Variants in RGS12 observed in about 807,000 individuals in gnomAD.
RGS12 encodes regulator of G protein signaling 12.
RGS12 carries 66 observed loss-of-function variants against 120.1 expected under a neutral mutation model. That is an observed-to-expected ratio of 0.55 (90% CI 0.45 to 0.67). The LOEUF (loss-of-function observed/expected upper bound fraction) is 0.67. Among genes scored for constraint, RGS12 ranks in the 30% least tolerant of loss-of-function variants. RGS12 has a pLI of 0.00. For synonymous variants in RGS12, 827 were observed against 804.7 expected (o/e 1.03, Z -0.47); for missense variants, 1,859 against 1,957.7 (o/e 0.95, Z 0.95).
chr4:3,409,149 G>A (rs1378901802), intron 4 of RGS12, among the ~76,000 whole-genome samples: 1 of 152,150 alleles, frequency 6.6e-6, no homozygotes, highest in African/African-American at 2.4e-5. Flanking sequence ...TCTCTGCCGT[G>A]CTCCTCTGTA....
At chr4:3,418,057 T>A (rs1276502579) in intron 9 of RGS12, 1 of 153,010 alleles carries the variant, frequency 6.5e-6, no homozygotes, top group Admixed American at 6.5e-5. Flanking sequence ...GTTGGAGTAG[T>A]GAGCATTTTT....
intron 17 of RGS12, among the ~76,000 whole-genome samples, chr4:3,436,005 C>A (rs1321406476): frequency 1.3e-5 from 2 of 152,242 alleles, no homozygotes; most frequent in Admixed American, 1.3e-4. Context: ...ACTGTGCACC[C>A]TGCTGGGCGC....
At chr4:3,361,933 G>C (rs1202235904) in intron 3 of RGS12, among the ~76,000 whole-genome samples, 5 of 152,328 alleles carry the variant, frequency 3.3e-5, no homozygotes, top group East Asian at 1.9e-4. Flanking sequence ...CTGTGTTCTT[G>C]GGACTGAGGC....
intron 10 of RGS12, 131 bp from the exon 11 acceptor site, chr4:3,422,234 CCTGGGGAGCTG>C (rs1344933871): frequency 1.4e-6 from 1 of 705,362 alleles, no homozygotes; most frequent in Admixed American, 2.8e-5. Context: ...GATGTGTGCA[CCTGGGGAGCTG>C]CAGGTGGGAC....
At chr4:3,315,159 G>C (rs1724656416) in intron 1 of RGS12, among the ~76,000 whole-genome samples, 1 of 152,208 alleles carries the variant, frequency 6.6e-6, no homozygotes, top group Non-Finnish European at 1.5e-5. Flanking sequence ...GAGGATTCTG[G>C]AAGCTCAAGC....
chr4:3,395,880 C>A (rs1451261722), intron 4 of RGS12, among the ~76,000 whole-genome samples: 1 of 152,082 alleles, frequency 6.6e-6, no homozygotes. Flanking sequence ...GGTTCCAAGA[C>A]CCCTTGAGGA....
chr4:3,307,410 T>C (rs913194571), intron 1 of RGS12, among the ~76,000 whole-genome samples: 7 of 152,264 alleles, frequency 4.6e-5, no homozygotes, highest in African/African-American at 1.7e-4. Context: ...TAGATTTTCG[T>C]AAAACTAGGA....
intron 3 of RGS12, among the ~76,000 whole-genome samples, chr4:3,354,716 A>T (rs1242577647): frequency 6.6e-6 from 1 of 152,228 alleles, no homozygotes; most frequent in Non-Finnish European, 1.5e-5. Context: ...AGAATACTAC[A>T]TATCTAAACT....
At chr4:3,367,143 T>C (rs1172106425) in intron 3 of RGS12, among the ~76,000 whole-genome samples, 1 of 152,206 alleles carries the variant, frequency 6.6e-6, no homozygotes, top group African/African-American at 2.4e-5. Context: ...TCAGGAAGCA[T>C]GTCCTGTTGT....
At chr4:3,348,056 G>A (rs901721834) in intron 3 of RGS12, among the ~76,000 whole-genome samples, 43 of 152,170 alleles carry the variant, frequency 2.8e-4, no homozygotes, top group African/African-American at 4.8e-5. Flanking sequence ...TGAGAGATAC[G>A]TCCTTTGAGG....
intron 3 of RGS12, among the ~76,000 whole-genome samples, chr4:3,350,646 C>T (rs1714261968): frequency 6.6e-6 from 1 of 152,108 alleles, no homozygotes; most frequent in Non-Finnish European, 1.5e-5. Context: ...TGTCCCACTG[C>T]ACCCCAGCCT....
chr4:3,332,194 G>A (rs1201489485), intron 2 of RGS12, among the ~76,000 whole-genome samples: 4 of 152,208 alleles, frequency 2.6e-5, no homozygotes, highest in African/African-American at 9.6e-5. Context: ...TTCCAGGAAA[G>A]TGAGACTGTT....
Position 3,316,267 on chromosome 4 carries a change from G to C in RGS12, c.97G>C (p.Gly33Arg). Residue 33 changes from glycine (G) to arginine (R), a missense_variant, in exon 2 of 18, where the codon GGA (glycine) becomes CGA (arginine). Gly to Arg is a moderately radical substitution (Grantham distance 125). Coordinates refer to ENST00000336727, the MANE Select transcript of RGS12 (RefSeq NM_001394154.1). ...VEVARGRAGY[G>R]FTLSGQAPCV... ...GGTTGCCCGGGGGAGGGCCGGCTAC[G>C]GATTCACGCTTTCGGGACAGGCACC... 3 of 1,613,794 alleles carry C rather than the reference G, an allele frequency of 1.9e-6. 1 individual carries two copies. The highest frequency in any genetic ancestry group is 3.3e-4 in the Middle Eastern group (2 of 6,062).
Position 3,293,041 on chromosome 4 carries a change from C to A in RGS12, c.-160C>A, listed in dbSNP as rs1400640238. On this transcript the variant is annotated 5_prime_UTR_variant, in exon 1 of 18. Transcript: ENST00000336727. ...GCGGTGGCTGCCGAGGCGACCGTTG[C>A]GCGCGCGGGCGGTGGCGCGGGCCGA... 6.7e-6 allele frequency: 1 copy of A among 148,598 alleles called. No homozygotes were observed. Among genetic ancestry groups the A allele is most frequent in the East Asian group, 2.0e-4 (1 of 5,094 alleles). 9.2% of individuals were successfully genotyped at this position (148,598 alleles called of 1,614,324 possible). A position where few individuals can be genotyped will look rare whatever the true frequency, so the allele number is the denominator to read the frequency against.
intron 1 of RGS12, chr4:3,312,964 C>G (rs1724502033): frequency 6.6e-6 from 1 of 152,196 alleles, no homozygotes. Flanking sequence ...CTTGGTATGG[C>G]TTGAGCCCAG....
At chr4:3,347,492 TA>T (rs943340300) in intron 3 of RGS12, among the ~76,000 whole-genome samples, 13 of 152,110 alleles carry the variant, frequency 8.5e-5, no homozygotes, top group African/African-American at 3.1e-4. Context: ...ACAAAACATT[TA>T]AGTAAAGAAC....
intron 3 of RGS12, among the ~76,000 whole-genome samples, chr4:3,344,380 G>T (rs1273397112): frequency 6.6e-6 from 1 of 152,172 alleles, no homozygotes; most frequent in African/African-American, 2.4e-5. Context: ...GCTACCTAAG[G>T]CAGGGCCTAG....
In RGS12 at chr4:3,430,703, A is replaced by ACC; in HGVS notation, c.3869_3870dup (p.Gly1291ProfsTer51). 1.3e-6 allele frequency: 2 copies of ACC among 1,562,960 alleles called. No homozygotes were observed. The highest frequency in any genetic ancestry group is 1.7e-6 in the Non-Finnish European group (2 of 1,154,056). Reference sequence around the variant, plus strand: ...CAGCCCCCCTGGACCTCCTGGGACGACCCCCCCCGGGCAGAAGTCTCCCAG... The same window carrying ACC: ...CAGCCCCCCTGGACCTCCTGGGACGACCCCCCCCCCGGGCAGAAGTCTCCCAG... On this transcript the variant is annotated frameshift_variant, in exon 17 of 18. Transcript: ENST00000336727. LOFTEE classifies it high-confidence loss of function.
chr4:3,349,651 G>A (rs1487106080), intron 3 of RGS12, among the ~76,000 whole-genome samples: 1 of 151,906 alleles, frequency 6.6e-6, no homozygotes, highest in Admixed American at 6.6e-5. Flanking sequence ...ATATATGTAA[G>A]AACTTTAACT....
Sources: allele counts gnomAD v4.1 joint callset (sites outside exome capture counted in the v4.1 genomes callset), GRCh38; gene constraint gnomAD v4.1.1; transcripts MANE v1.5; gene names NCBI Gene and HGNC (gene_info 2026-07-23, HGNC 2026-07-21).